The following DGKG variants were observed in gnomAD, a reference collection of about 807,000 sequenced individuals.
The protein encoded by DGKG is diacylglycerol kinase gamma.
Under a neutral mutation model 105.3 loss-of-function variants are expected in DGKG, and 78 were observed. The ratio of observed to expected loss-of-function variants is 0.74; its 90% CI spans 0.62 to 0.89. The LOEUF (loss-of-function observed/expected upper bound fraction) is 0.89. Ranked by LOEUF, DGKG falls within the 40% of genes least tolerant of loss-of-function variation. The probability of loss-of-function intolerance (pLI) is 0.00; values close to 1 mark genes in which losing one functional copy is unlikely to be tolerated. For synonymous variants in DGKG, 346 were observed against 367.1 expected (o/e 0.94, Z 0.66); for missense variants, 958 against 1,020.1 (o/e 0.94, Z 0.83).
intron 1 of DGKG, among the ~76,000 whole-genome samples, chr3:186,356,753 C>T (rs901068963): frequency 7.9e-5 from 12 of 152,178 alleles, no homozygotes; most frequent in Middle Eastern, 3.4e-3. Flanking sequence ...GTGAAAAGGG[C>T]GTTGGCCAGG....
At chr3:186,192,742 C>T (rs1717966993) in intron 21 of DGKG, among the ~76,000 whole-genome samples, 1 of 152,146 alleles carries the variant, frequency 6.6e-6, no homozygotes, top group Non-Finnish European at 1.5e-5. Flanking sequence ...AATTAAACTT[C>T]CAGCTGTTTG....
chr3:186,325,063 A>G lies in DGKG; in HGVS notation c.-248-4356T>C, dbSNP rs567240703. The stretch of plus-strand genomic sequence containing the variant: ...ATGAAATCATGTCCTTTGCAGCAAC[A>G]TGGATGCAGCTTGAGGCCATTATCC... On this transcript the variant is annotated intron_variant, in intron 1 of 24. Transcript: ENST00000265022. Among the ~76,000 whole-genome samples, 190 of 152,396 alleles carry G rather than the reference A, an allele frequency of 1.2e-3. 1 individual carries two copies. Among genetic ancestry groups the G allele is most frequent in the African/African-American group, 4.4e-3 (183 of 41,596 alleles).
rs531462977 is a variant in DGKG at position 186,188,160 on chromosome 3, C to T, written c.2095+42G>A. 4 of 1,607,976 alleles carry T rather than the reference C, an allele frequency of 2.5e-6. No individual in the cohort carries two copies. The South Asian group carries it at 3.3e-5, about 13-fold the overall frequency. On this transcript the variant is annotated intron_variant, in intron 22 of 24. Transcript: ENST00000265022. Reference sequence around the variant, plus strand: ...GACATCCACCTGAGGGCACCTACTACTGGGCATTGACCTAAAACAATTATC... The same window carrying T: ...GACATCCACCTGAGGGCACCTACTATTGGGCATTGACCTAAAACAATTATC...
intron 2 of DGKG, among the ~76,000 whole-genome samples, chr3:186,311,300 C>T (rs1724530371): frequency 6.6e-6 from 1 of 152,138 alleles, no homozygotes; most frequent in Admixed American, 6.5e-5. Context: ...AACTTGAATA[C>T]TTATTGCCAA....
At chr3:186,341,764 C>T (rs1001605942) in intron 1 of DGKG, among the ~76,000 whole-genome samples, 1 of 152,070 alleles carries the variant, frequency 6.6e-6, no homozygotes, top group Non-Finnish European at 1.5e-5. Flanking sequence ...TTGGAACCAA[C>T]CCAAATGTCC....
At chr3:186,173,268 G>T (rs750126711) in intron 22 of DGKG, among the ~76,000 whole-genome samples, 27 of 152,124 alleles carry the variant, frequency 1.8e-4, no homozygotes, top group Admixed American at 7.9e-4. Context: ...GCCCATACAG[G>T]GATAATCATA....
rs548070858 is a variant in DGKG at position 186,287,387 on chromosome 3, T to G, written c.544+1323A>C. Among the ~76,000 whole-genome samples, 4 of 152,298 alleles carry G rather than the reference T, an allele frequency of 2.6e-5. No homozygotes were observed. In the South Asian group the frequency reaches 6.2e-4, roughly 24 times the overall value. On this transcript the variant is annotated intron_variant, in intron 6 of 24. Coordinates refer to ENST00000265022, the MANE Select transcript of DGKG (RefSeq NM_001346.3). ...CTGAGGCAGAGGGAATGGTGGGAAGTATAAACACAACAAGATTGACCATGA... is the reference window on the plus strand; with the variant it reads ...CTGAGGCAGAGGGAATGGTGGGAAGGATAAACACAACAAGATTGACCATGA...
chr3:186,201,216 G>C (rs540564993), intron 21 of DGKG, among the ~76,000 whole-genome samples: 20 of 151,760 alleles, frequency 1.3e-4, no homozygotes, highest in African/African-American at 4.6e-4. Flanking sequence ...AGATTAATAG[G>C]CTTTGCTGTC....
At chr3:186,189,722 T>G (rs1717813918) in intron 21 of DGKG, among the ~76,000 whole-genome samples, 1 of 152,226 alleles carries the variant, frequency 6.6e-6, no homozygotes, top group Non-Finnish European at 1.5e-5. Flanking sequence ...AGTTCTTACA[T>G]TATGTTATCT....
chr3:186,222,676 C>G (rs955893334), intron 20 of DGKG, among the ~76,000 whole-genome samples: 1 of 151,008 alleles, frequency 6.6e-6, no homozygotes, highest in Non-Finnish European at 1.5e-5. Context: ...CACCCTGTCT[C>G]TACTAAAAAT....
intron 14 of DGKG, among the ~76,000 whole-genome samples, chr3:186,264,071 T>C (rs760048797): frequency 6.6e-6 from 1 of 152,214 alleles, no homozygotes; most frequent in Non-Finnish European, 1.5e-5. Flanking sequence ...AGTCCTACAG[T>C]GGGGGCTCTG....
chr3:186,331,062 T>C (rs926889359), intron 1 of DGKG, among the ~76,000 whole-genome samples: 1 of 152,216 alleles, frequency 6.6e-6, no homozygotes, highest in African/African-American at 2.4e-5. Context: ...AATTATAGGC[T>C]AAAAATACCT....
chr3:186,358,091 G>A (rs1387028351), intron 1 of DGKG, among the ~76,000 whole-genome samples: 2 of 152,232 alleles, frequency 1.3e-5, no homozygotes, highest in Non-Finnish European at 2.9e-5. Flanking sequence ...AGAAATGCAC[G>A]TAAAGCATCC....
intron 22 of DGKG, among the ~76,000 whole-genome samples, chr3:186,177,205 C>T (rs1048113562): frequency 2.6e-5 from 4 of 152,174 alleles, no homozygotes; most frequent in African/African-American, 9.7e-5. Context: ...GATCCTATTG[C>T]TCCCGGCTGA....
intron 2 of DGKG, among the ~76,000 whole-genome samples, chr3:186,310,728 A>T (rs957453488): frequency 3.3e-5 from 5 of 152,194 alleles, no homozygotes; most frequent in Non-Finnish European, 4.4e-5. Flanking sequence ...CCAGCACTAG[A>T]TTCAGAGGAC....
chr3:186,255,014 C>T (rs1438139838), intron 17 of DGKG, among the ~76,000 whole-genome samples: 1 of 152,248 alleles, frequency 6.6e-6, no homozygotes, highest in Non-Finnish European at 1.5e-5. Flanking sequence ...CTCTGTGGCT[C>T]AGCTCAGAAG....
At chr3:186,214,461 T>C (rs1192785747) in intron 20 of DGKG, among the ~76,000 whole-genome samples, 2 of 152,174 alleles carry the variant, frequency 1.3e-5, no homozygotes, top group African/African-American at 2.4e-5. Flanking sequence ...TTGGATAATA[T>C]AGTGAGGCAA....
chr3:186,296,112 C>CAAAAAGAA (rs1491361398), intron 5 of DGKG, among the ~76,000 whole-genome samples: 10 of 143,390 alleles, frequency 7.0e-5, no homozygotes, highest in African/African-American at 2.6e-4. Context: ...TTATCTCAGA[C>CAAAAAGAA]AAAAAAAAAA....
chr3:186,341,636 G>A (rs1285043084), intron 1 of DGKG, among the ~76,000 whole-genome samples: 1 of 152,208 alleles, frequency 6.6e-6, no homozygotes, highest in African/African-American at 2.4e-5. Context: ...AGAAGTGTCT[G>A]TTCATGTCCT....
Sources: allele counts gnomAD v4.1 joint callset (sites outside exome capture counted in the v4.1 genomes callset), GRCh38; gene constraint gnomAD v4.1.1; transcripts MANE v1.5; gene names NCBI Gene and HGNC (gene_info 2026-07-23, HGNC 2026-07-21).